The following DHRS7B variants were observed in gnomAD, a reference collection of about 807,000 sequenced individuals.
DHRS7B encodes peroxisomal reductase activating PPAR-gamma.
DHRS7B carries 24 observed loss-of-function variants against 26.4 expected under a neutral mutation model. The ratio of observed to expected loss-of-function variants is 0.91; its 90% CI spans 0.66 to 1.28. DHRS7B has a LOEUF of 1.28. DHRS7B is among the 50% of genes most tolerant of loss of function. The pLI, the probability that DHRS7B is intolerant of heterozygous loss-of-function variation, is 0.00. For missense variants in DHRS7B, 368 were observed against 419.4 expected, an observed-to-expected ratio of 0.88 and a Z score of 1.07; for synonymous variants, 142 against 166.4, an observed-to-expected ratio of 0.85 and a Z score of 1.13.
At chr17:21,167,609 T>C (rs1294009212) in intron 1 of DHRS7B, among the ~76,000 whole-genome samples, 2 of 152,172 alleles carry the variant, frequency 1.3e-5, no homozygotes, top group African/African-American at 4.8e-5. Flanking sequence ...TCTCACCTTC[T>C]TTTTCTGGCT....
intron 5 of DHRS7B, among the ~76,000 whole-genome samples, chr17:21,184,830 A>C (rs1287903691): frequency 6.6e-6 from 1 of 152,236 alleles, no homozygotes; most frequent in African/African-American, 2.4e-5. Context: ...TGTCCCACAG[A>C]TATAACCATG....
rs35189205 is a variant in DHRS7B at position 21,164,030 on chromosome 17, C to CTTTTTTTTTTTTTTTTT, written c.21-7972_21-7971insTTTTTTTTTTTTTTTTT. On this transcript the variant is annotated intron_variant, in intron 1 of 6. Coordinates refer to ENST00000395511, the MANE Select transcript of DHRS7B (RefSeq NM_015510.5). Reference sequence around the variant, plus strand: ...AGTGCAGATATTGTCAATTGTTGTGCTTTTTTTTTTTTTTTTGAGACAGGG... The same window carrying CTTTTTTTTTTTTTTTTT: ...AGTGCAGATATTGTCAATTGTTGTGCTTTTTTTTTTTTTTTTTTTTTTTTTTTTTTTTTGAGACAGGG... Among the ~76,000 whole-genome samples, 328 of 96,868 alleles carry CTTTTTTTTTTTTTTTTT rather than the reference C, an allele frequency of 3.4e-3. 53 individuals carry two copies. The highest frequency in any genetic ancestry group is 4.5e-3 in the South Asian group (13 of 2,864). The allele number at this position is 96,868 out of a possible 152,430, so 63.5% of individuals were successfully genotyped here. A position where few individuals can be genotyped will look rare whatever the true frequency, so the allele number is the denominator to read the frequency against.
In DHRS7B at chr17:21,174,473, A is replaced by G. The variant is rs935252919; in HGVS notation, c.199+2277A>G. Among the ~76,000 whole-genome samples the G allele has an allele frequency of 7.2e-5, 11 of 152,318 alleles. No homozygotes were observed. In the South Asian group the frequency reaches 1.9e-3, roughly 26 times the overall value. On this transcript the variant is annotated intron_variant, in intron 2 of 6. Coordinates refer to ENST00000395511, the MANE Select transcript of DHRS7B (RefSeq NM_015510.5). ...GACAGTCATCTGCAGCCCTTCATATATCGTACCTTGGAGTTGTTTTCCTTG... is the reference window on the plus strand; with the variant it reads ...GACAGTCATCTGCAGCCCTTCATATGTCGTACCTTGGAGTTGTTTTCCTTG...
intron 1 of DHRS7B, among the ~76,000 whole-genome samples, chr17:21,132,318 T>C (rs1334619234): frequency 7.0e-6 from 1 of 143,444 alleles, no homozygotes; most frequent in Non-Finnish European, 1.5e-5. Context: ...CTGGGCAACA[T>C]AGGGAGACCC....
intron 2 of DHRS7B, 44 bp from the exon 3 acceptor site, chr17:21,178,189 C>T: frequency 6.4e-7 from 1 of 1,571,336 alleles, no homozygotes; most frequent in Admixed American, 1.7e-5. Flanking sequence ...AACTGAACGG[C>T]ACTGAGGAAG....
chr17:21,184,347 C>T (rs1339265278), intron 4 of DHRS7B, 24 bp from the exon 5 acceptor site: 1 of 1,600,342 alleles, frequency 6.2e-7, no homozygotes, highest in East Asian at 2.2e-5. Context: ...GGGCGCTTGC[C>T]TAAGCCTCTG....
intron 1 of DHRS7B, among the ~76,000 whole-genome samples, chr17:21,138,075 AATAT>A (rs1215794776): frequency 3.0e-5 from 1 of 33,230 alleles, no homozygotes; most frequent in Non-Finnish European, 6.3e-5. Context: ...TTAAAAAAAA[AATAT>A]ATATATATAT....
At chr17:21,148,008 G>A (rs1324688339) in intron 1 of DHRS7B, among the ~76,000 whole-genome samples, 1 of 152,090 alleles carries the variant, frequency 6.6e-6, no homozygotes, top group African/African-American at 2.4e-5. Context: ...ATGAGCCCAG[G>A]AGTTTGAGAC....
intron 1 of DHRS7B, among the ~76,000 whole-genome samples, chr17:21,161,561 G>T (rs929759384): frequency 2.0e-5 from 3 of 152,148 alleles, no homozygotes; most frequent in Non-Finnish European, 4.4e-5. Context: ...AGTCCTTTAG[G>T]CTAAAAGGAA....
intron 5 of DHRS7B, among the ~76,000 whole-genome samples, chr17:21,187,091 A>AT (rs1974651444): frequency 8.4e-5 from 5 of 59,692 alleles, no homozygotes; most frequent in Admixed American, 1.7e-4. Context: ...TTCTGTATTA[A>AT]AAGATATATA....
chr17:21,154,007 G>A (rs58548874), intron 1 of DHRS7B, among the ~76,000 whole-genome samples: 2,972 of 152,190 alleles, frequency 0.02, 115 homozygotes, highest in African/African-American at 0.068. Context: ...TAGAGGAGGA[G>A]AGATAAGAAT....
At chr17:21,174,229 C>T (rs896295716) in intron 2 of DHRS7B, among the ~76,000 whole-genome samples, 4 of 152,236 alleles carry the variant, frequency 2.6e-5, no homozygotes, top group Admixed American at 6.5e-5. Flanking sequence ...GTCAGCCACC[C>T]GGAAGGTTTG....
intron 1 of DHRS7B, among the ~76,000 whole-genome samples, chr17:21,149,390 A>C (rs1174483033): frequency 6.6e-6 from 1 of 152,234 alleles, no homozygotes; most frequent in Non-Finnish European, 1.5e-5. Context: ...GAAAACACTC[A>C]TGGGCAAATA....
At chr17:21,183,201 A>G (rs1395392372) in intron 3 of DHRS7B, among the ~76,000 whole-genome samples, 2 of 152,028 alleles carry the variant, frequency 1.3e-5, no homozygotes, top group African/African-American at 4.8e-5. Context: ...TTTTATAATC[A>G]TTTTTATAAT....
rs1393869294 is a variant in DHRS7B at position 21,188,752 on chromosome 17, C to T, written c.661C>T (p.Leu221=). ...KHATQAFFDC[L]RAEMEQYEIE... is the part of the protein sequence containing the mutation. ...CGCAACCCAGGCTTTCTTTGACTGT[C>T]TGCGTGCCGAGATGGAACAGTATGA... Residue 221 remains leucine, a synonymous_variant, in exon 6 of 7, where the codon CTG becomes TTG. Coordinates refer to ENST00000395511, the MANE Select transcript of DHRS7B (RefSeq NM_015510.5). The T allele has an allele frequency of 6.2e-7, 1 of 1,612,618 alleles. No individual in the cohort carries two copies. The highest frequency in any genetic ancestry group is 2.2e-5 in the East Asian group (1 of 44,860).
intron 3 of DHRS7B, among the ~76,000 whole-genome samples, chr17:21,178,831 G>A (rs1323039569): frequency 6.6e-6 from 1 of 151,748 alleles, no homozygotes; most frequent in Non-Finnish European, 1.5e-5. Flanking sequence ...GCTGATTTTT[G>A]TATTTTTTGT....
At chr17:21,141,640 A>AAAAAAACAAAAAAAAAAG in intron 1 of DHRS7B, among the ~76,000 whole-genome samples, 1 of 90,078 alleles carries the variant, frequency 1.1e-5, no homozygotes, top group Non-Finnish European at 2.1e-5. Context: ...AAAAAAAAAA[A>AAAAAAACAAAAAAAAAAG]CAACCTCATC....
intron 1 of DHRS7B, among the ~76,000 whole-genome samples, chr17:21,137,123 A>T (rs751226987): frequency 4.6e-5 from 7 of 150,898 alleles, no homozygotes; most frequent in Non-Finnish European, 8.9e-5. Flanking sequence ...GGCGCCTGCC[A>T]TCATGCCTGA....
At chr17:21,174,445 C>T (rs1043404201) in intron 2 of DHRS7B, among the ~76,000 whole-genome samples, 1 of 152,250 alleles carries the variant, frequency 6.6e-6, no homozygotes, top group Non-Finnish European at 1.5e-5. Flanking sequence ...GCCAGCGGCA[C>T]TGGACAGTCA....
Sources: allele counts gnomAD v4.1 joint callset (sites outside exome capture counted in the v4.1 genomes callset), GRCh38; gene constraint gnomAD v4.1.1; transcripts MANE v1.5; gene names NCBI Gene and HGNC (gene_info 2026-07-23, HGNC 2026-07-21).